CCDC7: variants seen among roughly 807,000 people sequenced by gnomAD.
The protein encoded by CCDC7 is coiled-coil domain-containing protein 7.
In CCDC7, 183 loss-of-function variants were observed where a neutral mutation model predicts 196.9. The observed-to-expected ratio is 0.93, with a 90% CI of 0.82 to 1.05. CCDC7 has a LOEUF of 1.05. Ranked by LOEUF, CCDC7 falls within the 50% of genes least tolerant of loss-of-function variation. The pLI, the probability that CCDC7 is intolerant of heterozygous loss-of-function variation, is 0.00. For missense variants in CCDC7, 1,540 were observed against 1,482.2 expected, an observed-to-expected ratio of 1.04 and a Z score of -0.64; for synonymous variants, 525 against 484.6, an observed-to-expected ratio of 1.08 and a Z score of -1.10.
At chr10:32,586,640 C>T (rs1279788106) in intron 18 of CCDC7, among the ~76,000 whole-genome samples, 2 of 152,064 alleles carry the variant, frequency 1.3e-5, no homozygotes, top group African/African-American at 4.8e-5. Flanking sequence ...GAATCCTTTC[C>T]CTATTGCTTG....
At position 32,678,716 on chromosome 10, in the gene CCDC7, G is replaced by A. The variant is rs575675044; in HGVS notation, c.2123-7254G>A. 3.3e-5 allele frequency among the ~76,000 whole-genome samples: 5 copies of A among 152,292 alleles called. No individual in the cohort carries two copies. The South Asian group carries it at 1.0e-3, about 32-fold the overall frequency. On this transcript the variant is annotated intron_variant, in intron 21 of 41. Coordinates refer to ENST00000639629, the Ensembl canonical transcript of CCDC7. ...CCAATGCTCACTTTATTCCCCACGG[G>A]AAAACTGAAAAGCCCAGGAGATCTC...
intron 20 of CCDC7, among the ~76,000 whole-genome samples, chr10:32,649,031 T>A (rs2068257211): frequency 6.6e-6 from 1 of 152,222 alleles, no homozygotes; most frequent in Admixed American, 6.5e-5. Flanking sequence ...AGTTGGAAAC[T>A]ATTATCCTCA....
At chr10:32,756,244 G>A (rs1284400871) in intron 28 of CCDC7, among the ~76,000 whole-genome samples, 3 of 152,080 alleles carry the variant, frequency 2.0e-5, no homozygotes, top group Non-Finnish European at 4.4e-5. Context: ...TCAAATTCAG[G>A]AAATACAGAG....
intron 20 of CCDC7, among the ~76,000 whole-genome samples, chr10:32,660,009 A>G (rs2504331): frequency 0.83 from 127,031 of 152,202 alleles, 53,630 homozygotes; most frequent in Non-Finnish European, 0.9. Context: ...ATTCTCCTAT[A>G]AAGACGTGTG....
At chr10:32,613,482 C>G (rs1412784158) in intron 18 of CCDC7, among the ~76,000 whole-genome samples, 1 of 152,048 alleles carries the variant, frequency 6.6e-6, no homozygotes, top group Non-Finnish European at 1.5e-5. Context: ...TCTTGCTTCT[C>G]TAGTTCTTTT....
At position 32,706,155 on chromosome 10, in the gene CCDC7, A is replaced by T. The variant is rs533218405; in HGVS notation, c.2459-5465A>T. On this transcript the variant is annotated intron_variant, in intron 24 of 41. Coordinates refer to ENST00000639629, the Ensembl canonical transcript of CCDC7. ...CAGTGCAATCAAATTAGAACTCAGG[A>T]TTGAGAAACTCTTTCAAAACTGCTC... Among the ~76,000 whole-genome samples, 3 of 152,264 alleles carry T rather than the reference A, an allele frequency of 2.0e-5. No individual in the cohort carries two copies. In the South Asian group the frequency reaches 6.2e-4, roughly 32 times the overall value.
exon 6 of CCDC7, chr10:32,471,199 T>G: frequency 6.2e-7 from 1 of 1,609,968 alleles, no homozygotes; most frequent in Non-Finnish European, 8.5e-7. Flanking sequence ...GAGGTCTAAA[T>G]CCTCCGTGAA....
intron 11 of CCDC7, among the ~76,000 whole-genome samples, chr10:32,542,629 ATCTC>A (rs1434362679): frequency 1.2e-5 from 1 of 82,296 alleles, no homozygotes; most frequent in African/African-American, 5.0e-5. Context: ...TGAGACTCCC[ATCTC>A]AAAAAAAAAA....
chr10:32,526,660 G>A (rs1196421688), intron 11 of CCDC7, among the ~76,000 whole-genome samples: 1 of 152,030 alleles, frequency 6.6e-6, no homozygotes, highest in East Asian at 1.9e-4. Context: ...TCACTTCAAG[G>A]CAGCATGCTC....
intron 11 of CCDC7, among the ~76,000 whole-genome samples, chr10:32,523,928 T>C (rs1489984106): frequency 6.6e-6 from 1 of 152,024 alleles, no homozygotes; most frequent in African/African-American, 2.4e-5. Flanking sequence ...TTTTTTTTAA[T>C]CCATTCAGCC....
intron 28 of CCDC7, among the ~76,000 whole-genome samples, chr10:32,751,810 T>C (rs2075702752): frequency 6.6e-6 from 1 of 152,158 alleles, no homozygotes; most frequent in Non-Finnish European, 1.5e-5. Flanking sequence ...GCATAAAACA[T>C]GCCCCTGGTT....
intron 16 of CCDC7, among the ~76,000 whole-genome samples, chr10:32,576,964 G>A (rs1378470864): frequency 1.3e-5 from 2 of 152,098 alleles, no homozygotes; most frequent in Admixed American, 1.3e-4. Flanking sequence ...TTTAGATTCA[G>A]TTCTTTCTCA....
intron 28 of CCDC7, among the ~76,000 whole-genome samples, chr10:32,744,373 G>GAAAA (rs544931743): frequency 8.0e-6 from 1 of 125,338 alleles, no homozygotes; most frequent in Admixed American, 8.1e-5. Flanking sequence ...TCCTGCTGGT[G>GAAAA]AAAAAAAAAA....
intron 28 of CCDC7, among the ~76,000 whole-genome samples, chr10:32,769,728 A>G (rs1592573627): frequency 6.6e-6 from 1 of 150,422 alleles, no homozygotes; most frequent in Non-Finnish European, 1.5e-5. Context: ...GAGAACATGC[A>G]GTGTTTGGTT....
At chr10:32,813,378 C>G (rs1163984048) in intron 30 of CCDC7, among the ~76,000 whole-genome samples, 1 of 152,130 alleles carries the variant, frequency 6.6e-6, no homozygotes, top group African/African-American at 2.4e-5. Flanking sequence ...AATAACAATT[C>G]TGATAGTGCT....
intron 8 of CCDC7, among the ~76,000 whole-genome samples, chr10:32,488,387 C>G (rs1223325518): frequency 2.0e-5 from 3 of 152,194 alleles, no homozygotes; most frequent in Non-Finnish European, 4.4e-5. Context: ...GTCTGTCACC[C>G]CTTTCTTTGA....
intron 21 of CCDC7, among the ~76,000 whole-genome samples, chr10:32,672,718 C>T (rs1017656788): frequency 6.6e-6 from 1 of 152,154 alleles, no homozygotes; most frequent in Non-Finnish European, 1.5e-5. Context: ...CTCCACCTTT[C>T]TTCTTTGCTC....
chr10:32,571,086 A>G (rs960630405), intron 15 of CCDC7, among the ~76,000 whole-genome samples: 1 of 148,206 alleles, frequency 6.7e-6, no homozygotes, highest in Non-Finnish European at 1.5e-5. Context: ...GCTCACTGCA[A>G]CCTCTGCCTC....
chr10:32,690,948 C>G (rs2077011531), intron 23 of CCDC7, among the ~76,000 whole-genome samples: 1 of 152,178 alleles, frequency 6.6e-6, no homozygotes, highest in Non-Finnish European at 1.5e-5. Context: ...TCCTCAGATG[C>G]AAAACCAGAG....
Sources: gnomAD v4.1 joint callset for allele counts (sites outside exome capture counted in the v4.1 genomes callset) on GRCh38, gnomAD v4.1.1 for gene constraint, MANE v1.5 for transcripts, NCBI Gene and HGNC (gene_info 2026-07-23, HGNC 2026-07-21) for gene names.